Variants in ZC4H2 observed in about 807,000 individuals in gnomAD.
ZC4H2 encodes zinc finger C4H2 domain-containing protein.
For synonymous variants in ZC4H2, 84 were observed against 66.3 expected, an observed-to-expected ratio of 1.27 and a Z score of -1.30; for missense variants, 137 against 173.9, an observed-to-expected ratio of 0.79 and a Z score of 1.19.
intron 1 of ZC4H2, among the ~76,000 whole-genome samples, chrX:64,955,617 G>A (rs1931124740): frequency 1.8e-5 from 2 of 111,739 alleles, no homozygotes; most frequent in Non-Finnish European, 3.8e-5. Flanking sequence ...GAAGAAGATG[G>A]CATCTCTGAT....
rs1459829851 is a variant in ZC4H2 at position 64,916,798 on chromosome X, C to T, written c.*985G>A. 1 of 111,761 alleles carries T rather than the reference C, an allele frequency of 8.9e-6. No homozygotes were observed. Among genetic ancestry groups the T allele is most frequent in the Non-Finnish European group, 1.9e-5 (1 of 53,147 alleles). The allele number at this position is 111,761 out of a possible 1,213,427, so 9.2% of individuals were successfully genotyped here. On this transcript the variant is annotated 3_prime_UTR_variant, in exon 5 of 5. Coordinates refer to ENST00000374839, the MANE Select transcript of ZC4H2 (RefSeq NM_018684.4). ...CCTGAGCTGAGGCTCCAGAAGAGTT[C>T]AGATCCAAGAGAGCAAGGGATGAAT... is the stretch of plus-strand genomic sequence containing the variant.
intron 1 of ZC4H2, among the ~76,000 whole-genome samples, chrX:64,961,732 GAC>G (rs1272456331): frequency 9.0e-6 from 1 of 111,086 alleles, no homozygotes; most frequent in Non-Finnish European, 1.9e-5. Flanking sequence ...GATGAAAGAT[GAC>G]ACACTACAAC....
chrX:64,964,919 G>T (rs1282918204), intron 1 of ZC4H2, among the ~76,000 whole-genome samples: 1 of 111,773 alleles, frequency 8.9e-6, no homozygotes, highest in African/African-American at 3.2e-5. Flanking sequence ...CTCAATTGAA[G>T]GTAGGTTGTG....
rs916594975 is a variant in ZC4H2 at position 64,916,152 on chromosome X, C to T, written c.*1631G>A. 1 of 111,801 alleles carries T rather than the reference C, an allele frequency of 8.9e-6. No homozygotes were observed. Among genetic ancestry groups the T allele is most frequent in the African/African-American group, 3.3e-5 (1 of 30,751 alleles). 9.2% of individuals were successfully genotyped at this position (111,801 alleles called of 1,213,427 possible). On this transcript the variant is annotated 3_prime_UTR_variant, in exon 5 of 5. Coordinates refer to ENST00000374839, the MANE Select transcript of ZC4H2 (RefSeq NM_018684.4). ...AAAAGCTTTTAAGTTTTTGGAGGTTCAGTATCCCTTTTTTTTTAAAATGGT... is the reference window on the plus strand; with the variant it reads ...AAAAGCTTTTAAGTTTTTGGAGGTTTAGTATCCCTTTTTTTTTAAAATGGT...
chrX:65,032,636 T>C (rs1424626754), intron 1 of ZC4H2, among the ~76,000 whole-genome samples: 3 of 112,237 alleles, frequency 2.7e-5, no homozygotes, highest in Non-Finnish European at 5.6e-5. Flanking sequence ...GCCTTTCCAA[T>C]TGTTCTTCTC....
chrX:64,986,921 CTTTTTT>C (rs1028871395), intron 1 of ZC4H2, among the ~76,000 whole-genome samples: 41 of 79,575 alleles, frequency 5.2e-4, no homozygotes, highest in African/African-American at 2.0e-3. Context: ...CAAGATAATT[CTTTTTT>C]TTTTTTTTTT....
Position 64,917,719 on chromosome X carries a change from C to T in ZC4H2, c.*64G>A, listed in dbSNP as rs762601405. ...GGGCAAGGGTTGTTTCACATCAGGA[C>T]ATCAATGACTCTGGTCAAGGTGAGG... On this transcript the variant is annotated 3_prime_UTR_variant, in exon 5 of 5. Coordinates refer to ENST00000374839, the MANE Select transcript of ZC4H2 (RefSeq NM_018684.4). 2.6e-6 allele frequency: 3 copies of T among 1,172,503 alleles called. No individual in the cohort carries two copies. Among genetic ancestry groups the T allele is most frequent in the Non-Finnish European group, 3.4e-6 (3 of 875,817 alleles).
At chrX:64,919,738 T>A in intron 3 of ZC4H2, 1 of 190,361 alleles carries the variant, frequency 5.3e-6, no homozygotes, top group Admixed American at 7.1e-5. Context: ...AGATATCGCC[T>A]TCTAGACCCT....
intron 1 of ZC4H2, among the ~76,000 whole-genome samples, chrX:65,007,531 T>C (rs1932687192): frequency 8.9e-6 from 1 of 111,966 alleles, no homozygotes; most frequent in South Asian, 3.7e-4. Flanking sequence ...TCCCAGTCTT[T>C]AATATCTGGC....
intron 1 of ZC4H2, among the ~76,000 whole-genome samples, chrX:64,939,365 A>G (rs1376863116): frequency 8.9e-6 from 1 of 112,047 alleles, no homozygotes; most frequent in Admixed American, 9.5e-5. Flanking sequence ...CATACTGCCC[A>G]AAGTAATTTA....
At chrX:64,988,244 A>G (rs2147271555) in intron 1 of ZC4H2, among the ~76,000 whole-genome samples, 1 of 111,247 alleles carries the variant, frequency 9.0e-6, no homozygotes, top group South Asian at 3.9e-4. Context: ...CTTTGGGTAT[A>G]TACCCAGTAA....
intron 1 of ZC4H2, among the ~76,000 whole-genome samples, chrX:64,997,068 C>T (rs995928129): frequency 9.0e-6 from 1 of 111,596 alleles, no homozygotes; most frequent in African/African-American, 3.3e-5. Context: ...TTGTTGAAAG[C>T]CAAAGACAAA....
chrX:65,002,412 C>T (rs79715927), intron 1 of ZC4H2, among the ~76,000 whole-genome samples: 14 of 108,238 alleles, frequency 1.3e-4, no homozygotes, highest in Non-Finnish European at 1.7e-4. Context: ...GGTCAGCCCC[C>T]GCCCGGCCAG....
chrX:64,944,660 T>A (rs1930448596), intron 1 of ZC4H2, among the ~76,000 whole-genome samples: 1 of 111,639 alleles, frequency 9.0e-6, no homozygotes, highest in South Asian at 3.8e-4. Context: ...CTGGATAATA[T>A]CCTGAAGAGT....
At chrX:65,013,822 T>C (rs1224310162) in intron 1 of ZC4H2, among the ~76,000 whole-genome samples, 1 of 111,361 alleles carries the variant, frequency 9.0e-6, no homozygotes, top group East Asian at 2.8e-4. Context: ...TCAGCTGTTT[T>C]AAGCTGCTAG....
chrX:64,937,502 T>C (rs1208648798), intron 1 of ZC4H2, among the ~76,000 whole-genome samples: 1 of 111,705 alleles, frequency 9.0e-6, no homozygotes, highest in East Asian at 2.8e-4. Context: ...CAGCAACTCA[T>C]TGCACTTATT....
At chrX:64,928,638 T>TCTTCTTCTTCTTCTA (rs1555935487) in intron 1 of ZC4H2, among the ~76,000 whole-genome samples, 32 of 65,253 alleles carry the variant, frequency 4.9e-4, no homozygotes, top group African/African-American at 1.4e-3. Context: ...TTCTCCTTCT[T>TCTTCTTCTTCTTCTA]CTTCTTCTTC....
At chrX:64,951,832 T>G (rs1424883950) in intron 1 of ZC4H2, among the ~76,000 whole-genome samples, 2 of 111,645 alleles carry the variant, frequency 1.8e-5, no homozygotes, top group Non-Finnish European at 3.8e-5. Context: ...ATTTTGGCTT[T>G]TGTTGCCATT....
intron 1 of ZC4H2, among the ~76,000 whole-genome samples, chrX:65,016,412 A>G (rs752770345): frequency 6.2e-5 from 7 of 112,154 alleles, no homozygotes; most frequent in Non-Finnish European, 1.3e-4. Flanking sequence ...CCCTGGTCCA[A>G]TCAACTATGT....
Sources: gnomAD v4.1 joint callset for allele counts (sites outside exome capture counted in the v4.1 genomes callset) on GRCh38, gnomAD v4.1.1 for gene constraint, MANE v1.5 for transcripts, NCBI Gene and HGNC (gene_info 2026-07-23, HGNC 2026-07-21) for gene names.